Variants in ATP10B observed in about 807,000 individuals in gnomAD.
ATP10B encodes the protein ATPase phospholipid transporting 10B (putative), also known as phospholipid-transporting ATPase VB.
In ATP10B, 122 loss-of-function variants were observed where a neutral mutation model predicts 141.2. The ratio of observed to expected loss-of-function variants is 0.86; its 90% CI spans 0.75 to 1.00. The LOEUF (loss-of-function observed/expected upper bound fraction) is 1.00. Ranked by LOEUF, ATP10B falls within the 50% of genes least tolerant of loss-of-function variation. The probability of loss-of-function intolerance (pLI) is 0.00; values close to 1 mark genes in which losing one functional copy is unlikely to be tolerated. For synonymous variants in ATP10B, 685 were observed against 692.0 expected (o/e 0.99, Z 0.16); for missense variants, 1,876 against 1,825.3 (o/e 1.03, Z -0.51).
At chr5:160,869,908 A>G in the ATP10B span, among the ~76,000 whole-genome samples, 1 of 152,138 alleles carries the variant, frequency 6.6e-6, no homozygotes, top group Non-Finnish European at 1.5e-5. Context: ...ACAGTAAATA[A>G]TGAACCCTTC....
chr5:160,801,096 T>C (rs529786416), intron 1 of ATP10B, among the ~76,000 whole-genome samples: 1 of 152,202 alleles, frequency 6.6e-6, no homozygotes, highest in Non-Finnish European at 1.5e-5. Flanking sequence ...TCCTCCTTGA[T>C]ATCTGTGGCC....
chr5:160,859,099 G>A, the ATP10B span, among the ~76,000 whole-genome samples: 1 of 151,688 alleles, frequency 6.6e-6, no homozygotes, highest in Non-Finnish European at 1.5e-5. Flanking sequence ...TTTAAGATAA[G>A]TCTGCTGGCA....
At chr5:160,870,651 G>C in the ATP10B span, among the ~76,000 whole-genome samples, 7 of 151,900 alleles carry the variant, frequency 4.6e-5, no homozygotes, top group African/African-American at 1.7e-4. Flanking sequence ...TGAAATAAAT[G>C]TTTGAAACAA....
chr5:160,641,280 A>G (rs1028647766), intron 9 of ATP10B, among the ~76,000 whole-genome samples: 9 of 152,182 alleles, frequency 5.9e-5, no homozygotes, highest in African/African-American at 2.2e-4. Flanking sequence ...GTGGTAGGAC[A>G]GTGCCTGGGA....
At chr5:160,856,864 A>G (rs1754012333), upstream of ATP10B, among the ~76,000 whole-genome samples, 1 of 151,298 alleles carries the variant, frequency 6.6e-6, no homozygotes, top group Admixed American at 6.6e-5. Flanking sequence ...AATGTGGTCT[A>G]TTACATTAAT....
chr5:160,776,699 A>G (rs756261793), intron 2 of ATP10B, among the ~76,000 whole-genome samples: 15 of 152,052 alleles, frequency 9.9e-5, no homozygotes, highest in Middle Eastern at 6.8e-3. Context: ...TTTGTTATTA[A>G]TAAGTTTTTC....
At chr5:160,719,809 T>C (rs1023848387) in intron 2 of ATP10B, among the ~76,000 whole-genome samples, 1 of 152,216 alleles carries the variant, frequency 6.6e-6, no homozygotes, top group Admixed American at 6.5e-5. Flanking sequence ...TTATTACCAT[T>C]TTCCAATGAA....
At chr5:160,866,698 A>G in the ATP10B span, among the ~76,000 whole-genome samples, 2 of 152,056 alleles carry the variant, frequency 1.3e-5, no homozygotes. Context: ...AACAAAACCA[A>G]AACAAAATAA....
At position 160,622,570 on chromosome 5, in the gene ATP10B, G is replaced by T. The variant is rs1758407534; in HGVS notation, c.1636C>A (p.Pro546Thr). 6.2e-7 allele frequency: 1 copy of T among 1,610,580 alleles called. No individual in the cohort carries two copies. Among genetic ancestry groups the T allele is most frequent in the South Asian group, 1.1e-5 (1 of 90,752 alleles). ...ACCTTGGTCAGTAGGTTTTTATCTGGAGTTACATCTTTTTCCTGGAAGAGA... is the reference window on the plus strand; with the variant it reads ...ACCTTGGTCAGTAGGTTTTTATCTGTAGTTACATCTTTTTCCTGGAAGAGA... ...FSSSIEKDVT[P>T]DKNLLTKVRD... Residue 546 changes from proline to threonine, a missense_variant, in exon 14 of 26, where the codon CCA becomes ACA. By Grantham distance (38) the Pro-to-Thr change is conservative. Coordinates refer to ENST00000327245, the MANE Select transcript of ATP10B (RefSeq NM_025153.3).
intron 2 of ATP10B, among the ~76,000 whole-genome samples, chr5:160,748,118 C>T (rs1271193630): frequency 6.6e-6 from 1 of 152,058 alleles, no homozygotes; most frequent in Non-Finnish European, 1.5e-5. Flanking sequence ...CCAGAAACAG[C>T]TGCAGGAATC....
intron 1 of ATP10B, among the ~76,000 whole-genome samples, chr5:160,817,930 G>A (rs1455314833): frequency 5.3e-5 from 8 of 152,260 alleles, no homozygotes; most frequent in South Asian, 2.1e-4. Context: ...TGGTGCTGGG[G>A]GAACTGGCTA....
At chr5:160,782,094 T>G (rs1489544186) in intron 2 of ATP10B, among the ~76,000 whole-genome samples, 1 of 152,212 alleles carries the variant, frequency 6.6e-6, no homozygotes, top group Non-Finnish European at 1.5e-5. Context: ...GAAATGCCAC[T>G]CTTTAGGAAG....
Position 160,622,518 on chromosome 5 carries a change from G to A in ATP10B, c.1688C>T (p.Thr563Ile). The A allele has an allele frequency of 1.2e-6, 2 of 1,614,040 alleles. No homozygotes were observed. Among genetic ancestry groups the A allele is most frequent in the South Asian group, 1.1e-5 (1 of 91,048 alleles). Residue 563 changes from threonine (T) to isoleucine (I), a missense_variant, in exon 14 of 26, where the codon ACC becomes ATC. Thr to Ile is a moderately conservative substitution (Grantham distance 89, BLOSUM62 -1). Coordinates refer to ENST00000327245, the MANE Select transcript of ATP10B (RefSeq NM_025153.3). ...KVRDAALWLE[T>I]LSDSRPAKAS... ...CTTGGCAGGTCTGCTGTCTGACAAG[G>A]TCTCCAACCACAGGGCAGCATCTCG...
At chr5:160,901,035 G>C in the ATP10B span, among the ~76,000 whole-genome samples, 1 of 149,820 alleles carries the variant, frequency 6.7e-6, no homozygotes, top group Admixed American at 6.7e-5. Context: ...AAATATCAAA[G>C]GTGCAAATCA....
At chr5:160,590,739 A>T (rs893642070) in intron 23 of ATP10B, among the ~76,000 whole-genome samples, 2 of 152,318 alleles carry the variant, frequency 1.3e-5, no homozygotes, top group East Asian at 3.9e-4. Flanking sequence ...GACAAAGGGG[A>T]GTGGTAGAGA....
At chr5:160,720,045 C>T (rs1765903116) in intron 2 of ATP10B, among the ~76,000 whole-genome samples, 1 of 152,208 alleles carries the variant, frequency 6.6e-6, no homozygotes, top group African/African-American at 2.4e-5. Flanking sequence ...TCTGAAATGT[C>T]CTGTAACTCC....
intron 16 of ATP10B, among the ~76,000 whole-genome samples, chr5:160,616,999 A>G (rs1648321181): frequency 6.6e-6 from 1 of 152,210 alleles, no homozygotes; most frequent in South Asian, 2.1e-4. Flanking sequence ...GAAATTGCTC[A>G]AGGTCACACA....
At chr5:160,885,597 A>G in the ATP10B span, among the ~76,000 whole-genome samples, 1 of 152,156 alleles carries the variant, frequency 6.6e-6, no homozygotes, top group Non-Finnish European at 1.5e-5. Context: ...TTGAGTGGGA[A>G]CTCAGCCTGA....
chr5:160,685,486 G>T (rs6556513), intron 6 of ATP10B: 67,265 of 308,602 alleles, frequency 0.22, 10,597 homozygotes, highest in East Asian at 0.72. Context: ...ACCCTGGGCA[G>T]CCAAGAACAG....
Sources: gnomAD v4.1 joint callset for allele counts (sites outside exome capture counted in the v4.1 genomes callset) on GRCh38, gnomAD v4.1.1 for gene constraint, MANE v1.5 for transcripts, NCBI Gene and HGNC (gene_info 2026-07-23, HGNC 2026-07-21) for gene names.